Variants in CELF2 observed in about 807,000 individuals in gnomAD.
CELF2 encodes CUGBP Elav-like family member 2.
In CELF2, 8 loss-of-function variants were observed where a neutral mutation model predicts 62.6. The ratio of observed to expected loss-of-function variants is 0.13; its 90% CI spans 0.07 to 0.23. The LOEUF is 0.23. Among genes scored for constraint, CELF2 ranks in the 10% least tolerant of loss-of-function variants. The pLI is 1.00. For synonymous variants in CELF2, 258 were observed against 250.0 expected (o/e 1.03, Z -0.30); for missense variants, 333 against 671.0 (o/e 0.50, Z 5.56).
chr10:10,949,449 A>T (rs772494059), intron 2 of CELF2, among the ~76,000 whole-genome samples: 3 of 152,106 alleles, frequency 2.0e-5, no homozygotes, highest in Admixed American at 6.6e-5. Context: ...GGAGGGTGGC[A>T]GAAGCTTCTC....
In CELF2 at chr10:11,044,762, C is replaced by T. The variant is rs1407526250; in HGVS notation, c.74+26599C>T. ...TATTGTGGTTCTAATAAGGATCTCA[C>T]TTATATATACATAGAGCTCTTGTAG... On this transcript the variant is annotated intron_variant, in intron 1 of 12. Transcript: ENST00000633077. 7.2e-5 allele frequency among the ~76,000 whole-genome samples: 11 copies of T among 152,130 alleles called. No homozygotes were observed. In the East Asian group the frequency reaches 1.9e-3, roughly 27 times the overall value.
chr10:10,819,538 C>A (rs2056783456), intron 1 of CELF2, among the ~76,000 whole-genome samples: 1 of 152,134 alleles, frequency 6.6e-6, no homozygotes, highest in African/African-American at 2.4e-5. Flanking sequence ...GTTGACTCAC[C>A]CCTTTCTCTT....
chr10:11,040,729 T>C (rs2061696079), intron 1 of CELF2, among the ~76,000 whole-genome samples: 1 of 145,600 alleles, frequency 6.9e-6, no homozygotes, highest in Non-Finnish European at 1.5e-5. Context: ...TTCCCTTTGA[T>C]TTTGTGAGTT....
intron 1 of CELF2, among the ~76,000 whole-genome samples, chr10:11,107,654 G>A (rs1390843710): frequency 6.6e-6 from 1 of 151,840 alleles, no homozygotes; most frequent in Non-Finnish European, 1.5e-5. Flanking sequence ...TCTAATGTTT[G>A]GCTTCTGAAC....
chr10:11,101,519 A>T (rs947819070), intron 1 of CELF2, among the ~76,000 whole-genome samples: 6 of 152,226 alleles, frequency 3.9e-5, no homozygotes, highest in Non-Finnish European at 7.3e-5. Context: ...CCAAGACATG[A>T]GAGGGTTTCA....
chr10:10,551,435 G>A, the CELF2 span, among the ~76,000 whole-genome samples: 16,084 of 152,070 alleles, frequency 0.11, 1,287 homozygotes, highest in African/African-American at 0.22. Flanking sequence ...GGAGCCTTTG[G>A]CCCGGCAGCT....
chr10:11,314,901 C>T lies in CELF2; in HGVS notation c.1096+643C>T, dbSNP rs1439628391. 1 of 159,982 alleles carries T rather than the reference C, an allele frequency of 6.3e-6. No homozygotes were observed. 9.9% of individuals were successfully genotyped at this position (159,982 alleles called of 1,614,324 possible). On this transcript the variant is annotated intron_variant, in intron 10 of 12. Transcript: ENST00000633077. The surrounding 1 kb of genome is among the most constrained non-coding windows in gnomAD (Gnocchi z 5.3). The stretch of plus-strand genomic sequence containing the variant: ...TAAGCACCCACAGGTATGGGTCACT[C>T]TACATCAGTGACCATCCAGAGGGAC...
intron 1 of CELF2, among the ~76,000 whole-genome samples, chr10:11,096,686 A>G (rs1254724940): frequency 6.6e-6 from 1 of 152,190 alleles, no homozygotes; most frequent in Non-Finnish European, 1.5e-5. Flanking sequence ...TGACAAAACC[A>G]AACCAAACAA....
the CELF2 span, among the ~76,000 whole-genome samples, chr10:10,788,005 A>ATCAC: frequency 6.6e-6 from 1 of 152,304 alleles, no homozygotes; most frequent in African/African-American, 2.4e-5. Context: ...AGACTCTACC[A>ATCAC]CTAGATTAGA....
At chr10:10,870,165 C>T (rs957614091) in intron 1 of CELF2, among the ~76,000 whole-genome samples, 1 of 151,846 alleles carries the variant, frequency 6.6e-6, no homozygotes, top group African/African-American at 2.4e-5. Flanking sequence ...GGAATGATGT[C>T]CATCTTTAAA....
Position 11,290,241 on chromosome 10 carries a change from G to C in CELF2, c.976+1689G>C, listed in dbSNP as rs2092296992. On this transcript the variant is annotated intron_variant, in intron 9 of 12. Transcript: ENST00000633077. The surrounding 1 kb of genome is among the most constrained non-coding windows in gnomAD (Gnocchi z 4.3). Reference sequence around the variant, plus strand: ...AGCAATGAGTGTCAGATCTGTGACAGAATCCCACTGAACAAGGGGAAAGGG... The same window carrying C: ...AGCAATGAGTGTCAGATCTGTGACACAATCCCACTGAACAAGGGGAAAGGG... Among the ~76,000 whole-genome samples, 1 of 152,208 alleles carries C rather than the reference G, an allele frequency of 6.6e-6. No individual in the cohort carries two copies. Among genetic ancestry groups the C allele is most frequent in the Non-Finnish European group, 1.5e-5 (1 of 68,034 alleles).
At chr10:10,607,970 T>G in the CELF2 span, among the ~76,000 whole-genome samples, 1 of 151,866 alleles carries the variant, frequency 6.6e-6, no homozygotes, top group East Asian at 1.9e-4. Context: ...CTTCTAAAAC[T>G]ACAAAAATTA....
chr10:10,736,451 G>T, the CELF2 span, among the ~76,000 whole-genome samples: 1 of 140,784 alleles, frequency 7.1e-6, no homozygotes, highest in African/African-American at 2.7e-5. Context: ...TTACAGAGAG[G>T]TATCACATAT....
At chr10:10,737,738 C>T in the CELF2 span, among the ~76,000 whole-genome samples, 3 of 151,820 alleles carry the variant, frequency 2.0e-5, no homozygotes. Context: ...CATAAGAAAC[C>T]TTGGCAGGTT....
chr10:11,006,747 T>C (rs1389646721), intron 1 of CELF2, among the ~76,000 whole-genome samples: 1 of 152,228 alleles, frequency 6.6e-6, no homozygotes, highest in African/African-American at 2.4e-5. Context: ...TATTATTATA[T>C]AGCCTATTAA....
the CELF2 span, among the ~76,000 whole-genome samples, chr10:10,559,467 T>C: frequency 6.6e-6 from 1 of 152,228 alleles, no homozygotes; most frequent in East Asian, 1.9e-4. Flanking sequence ...GTTTGACATA[T>C]ACTAGCTGTT....
the CELF2 span, among the ~76,000 whole-genome samples, chr10:10,666,369 T>G: frequency 6.6e-6 from 1 of 152,134 alleles, no homozygotes; most frequent in East Asian, 1.9e-4. Context: ...TAGCACCAGG[T>G]GACCACACAC....
intron 1 of CELF2, among the ~76,000 whole-genome samples, chr10:11,026,852 G>T (rs1428005714): frequency 6.6e-6 from 1 of 152,138 alleles, no homozygotes; most frequent in Non-Finnish European, 1.5e-5. Flanking sequence ...AATTCCACTG[G>T]AGCAGCTGCT....
intron 1 of CELF2, among the ~76,000 whole-genome samples, chr10:11,021,419 A>T (rs531270881): frequency 6.6e-6 from 1 of 152,200 alleles, no homozygotes; most frequent in Non-Finnish European, 1.5e-5. Context: ...GTGTATAATT[A>T]AACTGAAGGG....
Sources: allele counts gnomAD v4.1 joint callset (sites outside exome capture counted in the v4.1 genomes callset), GRCh38; gene constraint gnomAD v4.1.1; non-coding constraint Gnocchi (gnomAD v3.1); transcripts MANE v1.5; gene names NCBI Gene and HGNC (gene_info 2026-07-23, HGNC 2026-07-21).